The following PIEZO2 variants were observed in gnomAD, a reference collection of about 807,000 sequenced individuals.
PIEZO2 encodes the protein piezo-type mechanosensitive ion channel component 2.
In PIEZO2, 172 loss-of-function variants were observed where a neutral mutation model predicts 337.3. The ratio of observed to expected loss-of-function variants is 0.51; its 90% CI spans 0.45 to 0.58. The LOEUF (loss-of-function observed/expected upper bound fraction) is 0.58, where lower values mean the gene tolerates loss of function less well. Ranked by LOEUF, PIEZO2 falls within the 20% of genes least tolerant of loss-of-function variation. PIEZO2 has a pLI of 0.00. For missense variants in PIEZO2, 3,028 were observed against 3,391.3 expected, an observed-to-expected ratio of 0.89 and a Z score of 2.66; for synonymous variants, 1,251 against 1,228.5, an observed-to-expected ratio of 1.02 and a Z score of -0.38.
intron 3 of PIEZO2, among the ~76,000 whole-genome samples, chr18:10,951,018 G>C (rs2033267736): frequency 6.6e-6 from 1 of 152,038 alleles, no homozygotes; most frequent in Non-Finnish European, 1.5e-5. Context: ...GAAGCTGGGG[G>C]AAAAAAACAC....
intron 43 of PIEZO2, among the ~76,000 whole-genome samples, chr18:10,699,870 T>C (rs943900616): frequency 2.6e-5 from 4 of 152,134 alleles, no homozygotes; most frequent in Non-Finnish European, 5.9e-5. Flanking sequence ...GGCCACGCAT[T>C]TGCTTCCTAA....
At position 10,671,758 on chromosome 18, in the gene PIEZO2, T is replaced by C; in HGVS notation, c.8367A>G (p.Ser2789=). The C allele has an allele frequency of 6.2e-7, 1 of 1,613,482 alleles. No individual in the cohort carries two copies. Among genetic ancestry groups the C allele is most frequent in the Non-Finnish European group, 8.5e-7 (1 of 1,179,694 alleles). ...AGYGIMGLYA[S]VVLVIGKFVR... is the part of the protein sequence containing the mutation. ...CAAATTTCCCAATCACAAGGACAAC[T>C]GAAGCATATAATCCCATAATACTGA... Residue 2789 remains serine (S), a synonymous_variant, in exon 56 of 56, where the codon TCA becomes TCG. Coordinates refer to ENST00000674853, the MANE Select transcript of PIEZO2 (RefSeq NM_001378183.1).
intron 54 of PIEZO2, among the ~76,000 whole-genome samples, chr18:10,674,617 G>A (rs1165596446): frequency 3.3e-5 from 5 of 152,210 alleles, no homozygotes; most frequent in African/African-American, 1.2e-4. Context: ...GGCCCATGTT[G>A]GAGAATGAAT....
At chr18:10,867,121 C>T (rs2042027154) in intron 5 of PIEZO2, among the ~76,000 whole-genome samples, 1 of 152,238 alleles carries the variant, frequency 6.6e-6, no homozygotes, top group Non-Finnish European at 1.5e-5. Context: ...CGTTCAGCTT[C>T]TTACCATTCT....
At chr18:10,925,056 T>A (rs2031646471) in intron 3 of PIEZO2, among the ~76,000 whole-genome samples, 1 of 152,220 alleles carries the variant, frequency 6.6e-6, no homozygotes, top group Admixed American at 6.5e-5. Flanking sequence ...AAGACCATAA[T>A]GTTTATTTAT....
At chr18:10,930,289 G>T (rs923733716) in intron 3 of PIEZO2, among the ~76,000 whole-genome samples, 1 of 152,144 alleles carries the variant, frequency 6.6e-6, no homozygotes, top group Non-Finnish European at 1.5e-5. Context: ...AAGCTACCTG[G>T]AGACTTCATC....
intron 2 of PIEZO2, among the ~76,000 whole-genome samples, chr18:11,017,156 C>A (rs1276505593): frequency 2.6e-5 from 4 of 152,198 alleles, no homozygotes; most frequent in African/African-American, 7.2e-5. Context: ...AATGAAGTCA[C>A]AAAGATGTGT....
chr18:10,697,705 C>A, intron 45 of PIEZO2, 43 bp downstream of exon 45: 1 of 1,599,724 alleles, frequency 6.3e-7, no homozygotes, highest in African/African-American at 1.4e-5. Flanking sequence ...AAGCCCAAAA[C>A]CCTACAATAA....
Position 10,855,316 on chromosome 18 carries a change from C to T in PIEZO2, c.917+37G>A, listed in dbSNP as rs1379604444. 3.4e-6 allele frequency: 5 copies of T among 1,491,710 alleles called. No homozygotes were observed. The South Asian group carries it at 6.0e-5, about 18-fold the overall frequency. The allele number at this position is 1,491,710 out of a possible 1,614,324, so 92.4% of individuals were successfully genotyped here. On this transcript the variant is annotated intron_variant, in intron 7 of 55. Coordinates refer to ENST00000674853, the MANE Select transcript of PIEZO2 (RefSeq NM_001378183.1). This position sits in a 1 kb window ranked among gnomAD's most constrained non-coding sequence, Gnocchi z 4.9. ...CCAAGGTCCCAAAGGCGTGGGGGGA[C>T]AACCTCTCCTGGAAATGCCATAAGG...
chr18:11,110,204 A>G lies in PIEZO2; in HGVS notation c.64+38321T>C, dbSNP rs1436647997. Among the ~76,000 whole-genome samples, 1 of 152,162 alleles carries G rather than the reference A, an allele frequency of 6.6e-6. No homozygotes were observed. The highest frequency in any genetic ancestry group is 2.4e-5 in the African/African-American group (1 of 41,424). On this transcript the variant is annotated intron_variant, in intron 1 of 55. Coordinates refer to ENST00000674853, the MANE Select transcript of PIEZO2 (RefSeq NM_001378183.1). The surrounding 1 kb of genome is among the most constrained non-coding windows in gnomAD (Gnocchi z 4.2). ...AAGTGGTGTGATCATAGCTCACTGC[A>G]TCCTGGAATTCCTGGCCATCCTTCC...
chr18:11,114,280 A>T (rs1158637708), intron 1 of PIEZO2, among the ~76,000 whole-genome samples: 4 of 152,198 alleles, frequency 2.6e-5, no homozygotes, highest in African/African-American at 9.7e-5. Context: ...AAGCTTATCT[A>T]CCTAGGACAC....
intron 2 of PIEZO2, among the ~76,000 whole-genome samples, chr18:11,012,784 C>T (rs2035950192): frequency 6.6e-6 from 1 of 152,178 alleles, no homozygotes; most frequent in Non-Finnish European, 1.5e-5. Context: ...GGGCTCATGC[C>T]TGTAATTCCA....
intron 53 of PIEZO2, among the ~76,000 whole-genome samples, chr18:10,675,833 AT>A (rs1485413559): frequency 6.6e-6 from 1 of 152,068 alleles, no homozygotes; most frequent in East Asian, 1.9e-4. Flanking sequence ...GTGATAGTGA[AT>A]AAGTCTCATG....
intron 3 of PIEZO2, among the ~76,000 whole-genome samples, chr18:10,918,316 TG>T (rs375173755): frequency 2.9e-4 from 44 of 152,120 alleles, no homozygotes; most frequent in East Asian, 9.6e-4. Flanking sequence ...AATGACACAT[TG>T]TTTTTTAAAA....
intron 36 of PIEZO2, 88 bp downstream of exon 36, chr18:10,731,319 T>A (rs2036775586): frequency 1.2e-6 from 1 of 809,188 alleles, no homozygotes; most frequent in East Asian, 2.9e-5. Context: ...TCTTAATCCC[T>A]CAGAAGTTTC....
chr18:10,748,427 C>T lies in PIEZO2; in HGVS notation c.4424+44G>A. Reference sequence around the variant, plus strand: ...AATGATAGTGCAATATTATTTCAGGCAAGTTTCCTGGGAGAAACCACCTGA... The same window carrying T: ...AATGATAGTGCAATATTATTTCAGGTAAGTTTCCTGGGAGAAACCACCTGA... On this transcript the variant is annotated intron_variant, in intron 30 of 55. Coordinates refer to ENST00000674853, the MANE Select transcript of PIEZO2 (RefSeq NM_001378183.1). This position sits in a 1 kb window ranked among gnomAD's most constrained non-coding sequence, Gnocchi z 5.1. 2 of 1,520,880 alleles carry T rather than the reference C, an allele frequency of 1.3e-6. No homozygotes were observed. Among genetic ancestry groups the T allele is most frequent in the East Asian group, 2.5e-5 (1 of 40,746 alleles). The allele number at this position is 1,520,880 out of a possible 1,614,324, so 94.2% of individuals were successfully genotyped here.
chr18:11,144,272 T>C (rs1344080299), intron 1 of PIEZO2, among the ~76,000 whole-genome samples: 2 of 152,236 alleles, frequency 1.3e-5, no homozygotes, highest in Non-Finnish European at 2.9e-5. Flanking sequence ...AAGCTCTAAA[T>C]TTCCAATCCT....
chr18:11,091,383 C>CAAAAAAAAAA (rs529307821), intron 1 of PIEZO2, among the ~76,000 whole-genome samples: 1 of 77,852 alleles, frequency 1.3e-5, no homozygotes, highest in African/African-American at 4.2e-5. Context: ...GACTCCGTCT[C>CAAAAAAAAAA]AAAAAAAAAA....
At chr18:11,060,333 T>A (rs1372669016) in intron 2 of PIEZO2, among the ~76,000 whole-genome samples, 2 of 151,844 alleles carry the variant, frequency 1.3e-5, no homozygotes, top group African/African-American at 2.4e-5. Flanking sequence ...CACCCTAACA[T>A]CACAATTAAA....
Sources: gnomAD v4.1 joint callset for allele counts (sites outside exome capture counted in the v4.1 genomes callset) on GRCh38, gnomAD v4.1.1 for gene constraint, Gnocchi (gnomAD v3.1) non-coding constraint, MANE v1.5 for transcripts, NCBI Gene and HGNC (gene_info 2026-07-23, HGNC 2026-07-21) for gene names.